Variants in PTPRT observed in about 807,000 individuals in gnomAD.
PTPRT encodes the protein protein tyrosine phosphatase receptor type T.
In PTPRT, 56 loss-of-function variants were observed where a neutral mutation model predicts 176.8. The observed-to-expected ratio is 0.32, with a 90% CI of 0.26 to 0.40. The LOEUF (loss-of-function observed/expected upper bound fraction) is 0.40, where lower values mean the gene tolerates loss of function less well. Ranked by LOEUF, PTPRT falls within the 10% of genes least tolerant of loss-of-function variation. The pLI is 1.00. For synonymous variants in PTPRT, 783 were observed against 739.0 expected (o/e 1.06, Z -0.96); for missense variants, 1,540 against 1,908.2 (o/e 0.81, Z 3.60).
At chr20:43,184,339 G>A (rs564638354) in intron 1 of PTPRT, among the ~76,000 whole-genome samples, 63 of 152,272 alleles carry the variant, frequency 4.1e-4, no homozygotes, top group Middle Eastern at 3.4e-3. Context: ...CAGCCCTTCC[G>A]TGTGGATATA....
At chr20:42,463,314 AATTTC>A (rs1410071874) in intron 8 of PTPRT, among the ~76,000 whole-genome samples, 1 of 151,728 alleles carries the variant, frequency 6.6e-6, no homozygotes, top group African/African-American at 2.4e-5. Context: ...CCCTTTCCAC[AATTTC>A]ATTTCTTCTT....
the PTPRT span, among the ~76,000 whole-genome samples, chr20:42,032,794 G>A: frequency 6.6e-6 from 1 of 152,162 alleles, no homozygotes; most frequent in Non-Finnish European, 1.5e-5. Context: ...TCTCACTGGT[G>A]TTGAGTAAAG....
chr20:43,019,036 A>C (rs968769851), intron 1 of PTPRT, among the ~76,000 whole-genome samples: 1 of 152,212 alleles, frequency 6.6e-6, no homozygotes, highest in Non-Finnish European at 1.5e-5. Flanking sequence ...ACATTGTTTG[A>C]AAAAAAGCAA....
rs950188416 is a variant in PTPRT, at chr20:42,238,389, C to CAGTG, written c.2313-2135_2313-2132dup. 3.4e-4 allele frequency among the ~76,000 whole-genome samples: 52 copies of CAGTG among 152,286 alleles called. No homozygotes were observed. In the Middle Eastern group the frequency reaches 0.01, roughly 30 times the overall value. On this transcript the variant is annotated intron_variant, in intron 14 of 30. Coordinates refer to ENST00000373187, the MANE Select transcript of PTPRT (RefSeq NM_007050.6). ...TGTTCAATATCCTGGACTGAAAGAA[C>CAGTG]AGTGACCCTAGATGATGAGAAGGTG...
intron 9 of PTPRT, among the ~76,000 whole-genome samples, chr20:42,358,611 CAGG>C (rs2058389662): frequency 6.6e-6 from 1 of 152,128 alleles, no homozygotes. Flanking sequence ...GGAGGCATGA[CAGG>C]AGATGGTGGA....
chr20:42,315,009 G>A (rs942708124), intron 12 of PTPRT, among the ~76,000 whole-genome samples: 1 of 152,038 alleles, frequency 6.6e-6, no homozygotes, highest in Middle Eastern at 3.2e-3. Context: ...CCTTTGATAT[G>A]CTTTCCAGCC....
chr20:42,197,146 G>A (rs1045037066), intron 16 of PTPRT, among the ~76,000 whole-genome samples: 9 of 152,026 alleles, frequency 5.9e-5, no homozygotes, highest in South Asian at 2.1e-4. Flanking sequence ...TTGGGAGGCC[G>A]AGGCGGGCGG....
rs748653543 is a variant in PTPRT at position 42,102,254 on chromosome 20, C to T, written c.3584G>A (p.Ser1195Asn). 3 of 1,614,182 alleles carry T rather than the reference C, an allele frequency of 1.9e-6. No individual in the cohort carries two copies. The highest frequency in any genetic ancestry group is 2.5e-6 in the Non-Finnish European group (3 of 1,180,024). ...ATGGTTCCGGGGCAGGAGCCCAATG[C>T]TGCAGTCCTCGGGCCGCACACGGGG... ...VTPRVRPEDC[S>N]IGLLPRNHDK... is the part of the protein sequence containing the mutation. The change falls in exon 26 of 31, where the codon AGC becomes AAC. Residue 1195 changes from serine to asparagine, a missense_variant. Physicochemically the swap from Ser to Asn is conservative, Grantham distance 46 (BLOSUM62 1). This residue lies in a region of PTPRT where 342 missense variants were observed against 394.0 expected (regional missense o/e 0.87). Transcript: ENST00000373187.
intron 1 of PTPRT, among the ~76,000 whole-genome samples, chr20:42,992,130 T>G (rs989346676): frequency 6.6e-6 from 1 of 152,190 alleles, no homozygotes; most frequent in Non-Finnish European, 1.5e-5. Flanking sequence ...AATAAAAGAC[T>G]GCCCAATTTG....
chr20:42,753,892 T>C lies in PTPRT; in HGVS notation c.859+2570A>G, dbSNP rs933732490. ...ATAAACCAAGCGTTTTCTGGTTCCA[T>C]TTGTCTGCTCATGGGAATTTCAGAG... is the stretch of plus-strand genomic sequence containing the variant. On this transcript the variant is annotated intron_variant, in intron 6 of 30. Coordinates refer to ENST00000373187, the MANE Select transcript of PTPRT (RefSeq NM_007050.6). Among the ~76,000 whole-genome samples the C allele has an allele frequency of 9.3e-4, 141 of 152,336 alleles. 2 individuals are homozygous for C. Among genetic ancestry groups the C allele is most frequent in the African/African-American group, 3.3e-3 (137 of 41,584 alleles).
intron 8 of PTPRT, among the ~76,000 whole-genome samples, chr20:42,460,547 C>G (rs1420221485): frequency 6.6e-6 from 1 of 152,164 alleles, no homozygotes; most frequent in East Asian, 1.9e-4. Context: ...GTGACCCCAC[C>G]CAAAATCTCA....
At chr20:42,174,128 A>T (rs1186034926) in intron 16 of PTPRT, among the ~76,000 whole-genome samples, 1 of 152,168 alleles carries the variant, frequency 6.6e-6, no homozygotes, top group East Asian at 1.9e-4. Flanking sequence ...ATATTATTGG[A>T]AAGTTACTTC....
At chr20:42,770,640 A>C (rs1355529659) in intron 5 of PTPRT, among the ~76,000 whole-genome samples, 3 of 151,534 alleles carry the variant, frequency 2.0e-5, no homozygotes, top group Non-Finnish European at 4.4e-5. Context: ...TTAGTGAAAA[A>C]TTCCCATAAA....
chr20:42,505,439 T>C (rs992849335), intron 7 of PTPRT, among the ~76,000 whole-genome samples: 4 of 152,012 alleles, frequency 2.6e-5, no homozygotes, highest in South Asian at 2.1e-4. Flanking sequence ...GTAGCTGGGA[T>C]TACAGGCGCC....
At chr20:42,353,350 T>C (rs1002876578) in intron 9 of PTPRT, among the ~76,000 whole-genome samples, 3 of 152,226 alleles carry the variant, frequency 2.0e-5, no homozygotes, top group African/African-American at 7.2e-5. Flanking sequence ...TCAGGATAGC[T>C]ACTCTCATTT....
intron 7 of PTPRT, among the ~76,000 whole-genome samples, chr20:42,624,121 T>C (rs1252718541): frequency 6.6e-6 from 1 of 152,074 alleles, no homozygotes; most frequent in Non-Finnish European, 1.5e-5. Context: ...GTGAACACTG[T>C]CATATTTAAC....
At chr20:42,210,340 A>G (rs1287977989) in intron 15 of PTPRT, among the ~76,000 whole-genome samples, 19 of 152,160 alleles carry the variant, frequency 1.2e-4, no homozygotes, top group Non-Finnish European at 1.3e-4. Flanking sequence ...TTCAATTAGG[A>G]AAAGAGGAAG....
chr20:42,681,326 A>G (rs559588809), intron 6 of PTPRT, among the ~76,000 whole-genome samples: 17 of 152,274 alleles, frequency 1.1e-4, no homozygotes, highest in African/African-American at 4.1e-4. Flanking sequence ...GAGCGCATGA[A>G]ATTTAATGCA....
At chr20:42,822,033 A>T (rs1276116452) in intron 2 of PTPRT, among the ~76,000 whole-genome samples, 1 of 152,206 alleles carries the variant, frequency 6.6e-6, no homozygotes, top group Non-Finnish European at 1.5e-5. Context: ...TACCATTGAC[A>T]TTACTCACAG....
Sources: allele counts gnomAD v4.1 joint callset (sites outside exome capture counted in the v4.1 genomes callset), GRCh38; gene constraint gnomAD v4.1.1; regional missense constraint gnomAD v4.1.1; transcripts MANE v1.5; gene names NCBI Gene and HGNC (gene_info 2026-07-23, HGNC 2026-07-21).